Variants in SAMHD1 observed in about 807,000 individuals in gnomAD.
SAMHD1 encodes the protein SAM and HD domain containing deoxynucleoside triphosphate triphosphohydrolase 1, also known as deoxynucleoside triphosphate triphosphohydrolase SAMHD1.
SAMHD1 carries 54 observed loss-of-function variants against 79.6 expected under a neutral mutation model. The ratio of observed to expected loss-of-function variants is 0.68; its 90% CI spans 0.55 to 0.85. The LOEUF (loss-of-function observed/expected upper bound fraction) is 0.85. SAMHD1 is among the 40% of genes least tolerant of loss of function. The pLI, the probability that SAMHD1 is intolerant of heterozygous loss-of-function variation, is 0.00. For synonymous variants in SAMHD1, 260 were observed against 264.1 expected, an observed-to-expected ratio of 0.98 and a Z score of 0.15; for missense variants, 663 against 782.7, an observed-to-expected ratio of 0.85 and a Z score of 1.82.
rs1463956149 is a variant in SAMHD1, at chr20:36,916,979, A to G, written c.923T>C (p.Ile308Thr). ...YEIVSNKRNG[I>T]DVDKWDYFAR... ...AAAATAATCCCATTTGTCCACATCA[A>G]TGCCATTTCTTTTATTAGATACTAT... The change falls in exon 8 of 16, where the codon ATT becomes ACT. Residue 308 changes from isoleucine (I) to threonine (T), a missense_variant. Ile to Thr is a moderately conservative substitution (Grantham distance 89). Transcript: ENST00000646673. 3.7e-6 allele frequency: 6 copies of G among 1,613,906 alleles called. No individual in the cohort carries two copies. Among genetic ancestry groups the G allele is most frequent in the Middle Eastern group, 1.7e-4 (1 of 6,054 alleles).
Position 36,927,221 on chromosome 20 carries a change from T to A in SAMHD1, c.657A>T (p.Gly219=). 6.2e-7 allele frequency: 1 copy of A among 1,613,580 alleles called. No homozygotes were observed. The highest frequency in any genetic ancestry group is 8.5e-7 in the Non-Finnish European group (1 of 1,179,872). ...CCGGGCGAGCAAGTGGAATAAATCG[T>A]CCATCAAACATGTGAGAAAATGGCC... ...GHGPFSHMFD[G]RFIPLARPEV... Residue 219 remains glycine (G), a synonymous_variant, in exon 6 of 16, where the codon GGA becomes GGT. Transcript: ENST00000646673.
intron 9 of SAMHD1, among the ~76,000 whole-genome samples, chr20:36,912,885 C>CTTT (rs1374227156): frequency 0.021 from 170 of 8,032 alleles, 1 homozygote; most frequent in East Asian, 0.041. Flanking sequence ...AACTTTCATT[C>CTTT]TTTGTTTTTT....
intron 7 of SAMHD1, among the ~76,000 whole-genome samples, chr20:36,918,240 T>G (rs182195343): frequency 5.9e-5 from 9 of 152,036 alleles, no homozygotes; most frequent in African/African-American, 1.7e-4. Flanking sequence ...CATGAGTCAC[T>G]GAGCCTGGCC....
chr20:36,932,501 G>A (rs2063574715), intron 4 of SAMHD1, among the ~76,000 whole-genome samples: 1 of 141,346 alleles, frequency 7.1e-6, no homozygotes. Context: ...TGTTGCCCAG[G>A]CTGGAGTGCA....
intron 1 of SAMHD1, among the ~76,000 whole-genome samples, chr20:36,947,910 G>A (rs1196890037): frequency 6.6e-6 from 1 of 151,892 alleles, no homozygotes; most frequent in Admixed American, 6.6e-5. Flanking sequence ...GGGCTCAAGT[G>A]ATCTTCCCAC....
intron 15 of SAMHD1, chr20:36,897,512 G>A: frequency 2.4e-6 from 1 of 421,384 alleles, no homozygotes; most frequent in Non-Finnish European, 4.4e-6. Context: ...ACCTCTGAAA[G>A]ATGGAGACAC....
intron 3 of SAMHD1, among the ~76,000 whole-genome samples, chr20:36,938,712 T>C (rs955392492): frequency 4.0e-5 from 6 of 149,804 alleles, no homozygotes; most frequent in Non-Finnish European, 7.4e-5. Context: ...GGCATGCGCC[T>C]GTAGTCCCAG....
rs2063446586 is a variant in SAMHD1, at chr20:36,912,498, C to G, written c.1117G>C (p.Ala373Pro). 1 of 1,613,320 alleles carries G rather than the reference C, an allele frequency of 6.2e-7. No individual in the cohort carries two copies. Among genetic ancestry groups the G allele is most frequent in the Non-Finnish European group, 8.5e-7 (1 of 1,179,514 alleles). ...ATGTTGCCAACTTTGTGTTGATAAG[C>G]TCTACGGTGTAAAGAGTTGCGAGTG... is the stretch of plus-strand genomic sequence containing the variant. ...FHTRNSLHRR[A>P]YQHKVGNIID... The change falls in exon 10 of 16, where the codon GCT becomes CCT. Residue 373 changes from alanine to proline, a missense_variant. Ala to Pro is a conservative substitution (Grantham distance 27, BLOSUM62 -1). Transcript: ENST00000646673.
chr20:36,914,905 G>A (rs1272828023), intron 9 of SAMHD1, among the ~76,000 whole-genome samples: 1 of 151,684 alleles, frequency 6.6e-6, no homozygotes, highest in Non-Finnish European at 1.5e-5. Flanking sequence ...CCAGCTATTC[G>A]GGAAGCTGAA....
intron 9 of SAMHD1, 132 bp downstream of exon 9, chr20:36,916,590 G>C: frequency 1.3e-6 from 1 of 765,024 alleles, no homozygotes; most frequent in Admixed American, 1.8e-5. Context: ...AGAGACTAAA[G>C]ATATTTACAA....
Position 36,912,568 on chromosome 20 carries a change from A to C in SAMHD1, c.1063-16T>G. The C allele has an allele frequency of 6.5e-7, 1 of 1,531,570 alleles. No homozygotes were observed. Among genetic ancestry groups the C allele is most frequent in the African/African-American group, 1.4e-5 (1 of 73,390 alleles). 94.9% of individuals were successfully genotyped at this position (1,531,570 alleles called of 1,614,324 possible). On this transcript the variant is annotated splice_polypyrimidine_tract_variant and intron_variant, in intron 9 of 15. Coordinates refer to ENST00000646673, the MANE Select transcript of SAMHD1 (RefSeq NM_015474.4). Reference sequence around the variant, plus strand: ...TTCCAACTTCCTGCAGGAAAACATGAAGTAAATATTAATAGGATCAGATTA... The same window carrying C: ...TTCCAACTTCCTGCAGGAAAACATGCAGTAAATATTAATAGGATCAGATTA...
intron 15 of SAMHD1, chr20:36,893,773 T>C: frequency 2.5e-6 from 1 of 396,886 alleles, no homozygotes; most frequent in Non-Finnish European, 4.4e-6. Context: ...GTGGGAGGAT[T>C]CGTGCTCCTC....
intron 11 of SAMHD1, among the ~76,000 whole-genome samples, chr20:36,906,814 CAG>C (rs2063407751): frequency 6.7e-6 from 1 of 148,480 alleles, no homozygotes; most frequent in South Asian, 2.1e-4. Flanking sequence ...TTTTTTGAGA[CAG>C]AGTCTTGCTT....
At chr20:36,925,316 C>G (rs1041672496) in intron 6 of SAMHD1, among the ~76,000 whole-genome samples, 1 of 152,168 alleles carries the variant, frequency 6.6e-6, no homozygotes, top group African/African-American at 2.4e-5. Context: ...AAGAAAACAA[C>G]TATAAGCTCT....
intron 9 of SAMHD1, among the ~76,000 whole-genome samples, chr20:36,914,124 G>T (rs1296392773): frequency 1.3e-5 from 2 of 151,940 alleles, no homozygotes; most frequent in African/African-American, 4.8e-5. Flanking sequence ...CAGGGACCTA[G>T]TGATTTCAGC....
At chr20:36,931,192 T>C (rs1054377153) in intron 4 of SAMHD1, 5 of 382,704 alleles carry the variant, frequency 1.3e-5, no homozygotes, top group Admixed American at 1.1e-4. Flanking sequence ...TGTGAAGAAG[T>C]TGGAAGCCTG....
intron 1 of SAMHD1, among the ~76,000 whole-genome samples, chr20:36,949,125 G>T (rs572911364): frequency 6.6e-6 from 1 of 151,494 alleles, no homozygotes; most frequent in Non-Finnish European, 1.5e-5. Flanking sequence ...TTAGCCAGGC[G>T]TGGTGGCGTG....
At chr20:36,946,424 AAAC>A in intron 2 of SAMHD1, 2 of 281,686 alleles carry the variant, frequency 7.1e-6, no homozygotes, top group East Asian at 8.9e-5. Flanking sequence ...AAAAAAAAAA[AAAC>A]CGAAAAAAAA....
intron 4 of SAMHD1, among the ~76,000 whole-genome samples, chr20:36,933,679 C>T (rs574817688): frequency 2.8e-4 from 43 of 152,010 alleles, no homozygotes; most frequent in African/African-American, 1.0e-3. Flanking sequence ...TTACTAGAGA[C>T]GGGGTTTCAC....
Sources: gnomAD v4.1 joint callset for allele counts (sites outside exome capture counted in the v4.1 genomes callset) on GRCh38, gnomAD v4.1.1 for gene constraint, MANE v1.5 for transcripts, NCBI Gene and HGNC (gene_info 2026-07-23, HGNC 2026-07-21) for gene names.